Variants in TAF12 observed in about 807,000 individuals in gnomAD.
The protein encoded by TAF12 is transcription initiation factor TFIID subunit 12.
TAF12 carries 3 observed loss-of-function variants against 20.8 expected under a neutral mutation model. That is an observed-to-expected ratio of 0.14 (90% CI 0.07 to 0.37). The LOEUF (loss-of-function observed/expected upper bound fraction) is 0.37, where lower values mean the gene tolerates loss of function less well. TAF12 is among the 10% of genes least tolerant of loss of function. The pLI, the probability that TAF12 is intolerant of heterozygous loss-of-function variation, is 1.00. For synonymous variants in TAF12, 69 were observed against 70.2 expected, an observed-to-expected ratio of 0.98 and a Z score of 0.09; for missense variants, 131 against 197.9, an observed-to-expected ratio of 0.66 and a Z score of 2.03.
Position 28,605,468 on chromosome 1 carries a change from G to A in TAF12, c.362-8C>T, listed in dbSNP as rs1038183886. 2 of 1,613,814 alleles carry A rather than the reference G, an allele frequency of 1.2e-6. No individual in the cohort carries two copies. The highest frequency in any genetic ancestry group is 2.2e-5 in the South Asian group (2 of 91,078). On this transcript the variant is annotated splice_region_variant and splice_polypyrimidine_tract_variant and intron_variant, in intron 4 of 5. Coordinates refer to ENST00000373824, the MANE Select transcript of TAF12 (RefSeq NM_005644.4). ...ACATGTTCCACTGGCGCTCTGCAAG[G>A]AAGAAGCCAGCACAGAGATAAACGT...
At chr1:28,639,680 A>G (rs985719100) in intron 1 of TAF12, among the ~76,000 whole-genome samples, 9 of 152,252 alleles carry the variant, frequency 5.9e-5, no homozygotes, top group South Asian at 2.1e-4. Flanking sequence ...ATAAGTTGGT[A>G]TAAGTTAGTT....
At chr1:28,603,769 G>A (rs1450684658) in intron 5 of TAF12, among the ~76,000 whole-genome samples, 195 bp from the exon 6 acceptor site, 1 of 152,128 alleles carries the variant, frequency 6.6e-6, no homozygotes. Flanking sequence ...ATGTTTAGAT[G>A]GGCTAGTGGA....
At chr1:28,625,401 C>T (rs962287118) in intron 1 of TAF12, among the ~76,000 whole-genome samples, 2 of 152,056 alleles carry the variant, frequency 1.3e-5, no homozygotes, top group East Asian at 3.8e-4. Flanking sequence ...GACAAGGTCT[C>T]ATTTTGTAGG....
At position 28,622,017 on chromosome 1, in the gene TAF12, G is replaced by T. The variant is rs1223752034; in HGVS notation, c.65C>A (p.Pro22Gln). 1.9e-6 allele frequency: 3 copies of T among 1,614,056 alleles called. No individual in the cohort carries two copies. The highest frequency in any genetic ancestry group is 4.5e-5 in the East Asian group (2 of 44,886). The part of the protein sequence containing the change: ...LSNFSSIKPE[P>Q]ASTPPQGSMA... The stretch of plus-strand genomic sequence containing the variant: ...GGAGCCTTGTGGAGGGGTGCTGGCT[G>T]GTTCCGGTTTTATGGATGAGAAATT... The change falls in exon 2 of 6, where the codon CCA becomes CAA. Residue 22 changes from proline (P) to glutamine (Q), a missense_variant. This residue lies in a region of TAF12 where 63 missense variants were observed against 72.1 expected (regional missense o/e 0.87). Coordinates refer to ENST00000373824, the MANE Select transcript of TAF12 (RefSeq NM_005644.4).
chr1:28,621,113 T>C (rs1328505084), intron 2 of TAF12, among the ~76,000 whole-genome samples: 2 of 152,212 alleles, frequency 1.3e-5, no homozygotes, highest in African/African-American at 4.8e-5. Context: ...AGGTCCACTA[T>C]GTTCTGCCCT....
chr1:28,626,581 C>CAA (rs549427311), intron 1 of TAF12, among the ~76,000 whole-genome samples: 153 of 60,256 alleles, frequency 2.5e-3, no homozygotes, highest in African/African-American at 8.3e-3. Context: ...AACTCTGTCT[C>CAA]AAAAAAAAAA....
intron 4 of TAF12, among the ~76,000 whole-genome samples, chr1:28,608,734 G>A (rs1666756303): frequency 1.3e-5 from 2 of 151,800 alleles, no homozygotes; most frequent in African/African-American, 2.4e-5. Context: ...CAGTCTGGGC[G>A]ACAGACTGAG....
intron 1 of TAF12, among the ~76,000 whole-genome samples, chr1:28,624,456 G>A (rs1188935460): frequency 1.3e-5 from 2 of 152,004 alleles, no homozygotes; most frequent in Non-Finnish European, 1.5e-5. Flanking sequence ...TTTCTAATAT[G>A]AGAAATCTGG....
At chr1:28,647,297 T>A (rs1323673765), upstream of TAF12, among the ~76,000 whole-genome samples, 1 of 152,122 alleles carries the variant, frequency 6.6e-6, no homozygotes, top group African/African-American at 2.4e-5. Flanking sequence ...GTTTTTTTTT[T>A]ATTTTCTTGA....
intron 1 of TAF12, among the ~76,000 whole-genome samples, chr1:28,627,842 T>C (rs562132267): frequency 2.4e-4 from 36 of 152,218 alleles, no homozygotes; most frequent in Admixed American, 1.6e-3. Flanking sequence ...GATTTCTTCC[T>C]ATAAAAACTA....
intron 3 of TAF12, among the ~76,000 whole-genome samples, chr1:28,614,201 G>A (rs908329520): frequency 1.3e-5 from 2 of 151,928 alleles, no homozygotes; most frequent in African/African-American, 4.8e-5. Context: ...TCGTGACACT[G>A]TACTCCAGCC....
chr1:28,623,703 T>C (rs1667295184), intron 1 of TAF12, among the ~76,000 whole-genome samples: 1 of 152,222 alleles, frequency 6.6e-6, no homozygotes, highest in Non-Finnish European at 1.5e-5. Flanking sequence ...CTTAAGTCTA[T>C]GTCAGGGCTA....
chr1:28,609,990 C>CT (rs971118249), intron 4 of TAF12, among the ~76,000 whole-genome samples: 4 of 147,444 alleles, frequency 2.7e-5, no homozygotes, highest in East Asian at 2.0e-4. Context: ...TTTTTTTTTT[C>CT]TTTTTTTTGG....
chr1:28,624,234 T>C (rs1473002154), intron 1 of TAF12, among the ~76,000 whole-genome samples: 2 of 152,194 alleles, frequency 1.3e-5, no homozygotes, highest in Non-Finnish European at 1.5e-5. Context: ...TTATGGCACA[T>C]ATAGACCACC....
chr1:28,641,146 C>T (rs967897044), intron 1 of TAF12, among the ~76,000 whole-genome samples: 1 of 151,988 alleles, frequency 6.6e-6, no homozygotes, highest in African/African-American at 2.4e-5. Flanking sequence ...AGTAACAACA[C>T]TCAAATTATC....
At chr1:28,619,948 CAAA>C (rs879307972) in intron 2 of TAF12, among the ~76,000 whole-genome samples, 1 of 101,052 alleles carries the variant, frequency 9.9e-6, no homozygotes, top group Non-Finnish European at 2.1e-5. Flanking sequence ...GACTCTGTCT[CAAA>C]AAAAAAAAAG....
intron 2 of TAF12, 45 bp downstream of exon 2, chr1:28,621,869 T>G (rs759956798): frequency 6.3e-7 from 1 of 1,596,082 alleles, no homozygotes; most frequent in Non-Finnish European, 8.5e-7. Context: ...ATTGAAATAA[T>G]AGGTAAGAAG....
intron 2 of TAF12, among the ~76,000 whole-genome samples, chr1:28,618,914 G>A (rs542078598): frequency 2.6e-5 from 4 of 152,192 alleles, no homozygotes; most frequent in Non-Finnish European, 5.9e-5. Flanking sequence ...CAGGCACAGT[G>A]ATCTGTGCCT....
At chr1:28,615,144 C>T (rs1666987177) in intron 3 of TAF12, among the ~76,000 whole-genome samples, 1 of 152,018 alleles carries the variant, frequency 6.6e-6, no homozygotes, top group Non-Finnish European at 1.5e-5. Flanking sequence ...TATGCACGCA[C>T]ATGAAAAAAC....
Sources: allele counts gnomAD v4.1 joint callset (sites outside exome capture counted in the v4.1 genomes callset), GRCh38; gene constraint gnomAD v4.1.1; regional missense constraint gnomAD v4.1.1; transcripts MANE v1.5; gene names NCBI Gene and HGNC (gene_info 2026-07-23, HGNC 2026-07-21).